GFRA1: variants seen among roughly 807,000 people sequenced by gnomAD.
The protein encoded by GFRA1 is GDNF family receptor alpha 1.
GFRA1 carries 16 observed loss-of-function variants against 51.6 expected under a neutral mutation model. That is an observed-to-expected ratio of 0.31 (90% CI 0.21 to 0.47). The LOEUF is 0.47. Among genes scored for constraint, GFRA1 ranks in the 20% least tolerant of loss-of-function variants. GFRA1 has a pLI of 1.00. For missense variants in GFRA1, 530 were observed against 594.3 expected, an observed-to-expected ratio of 0.89 and a Z score of 1.13; for synonymous variants, 270 against 241.3, an observed-to-expected ratio of 1.12 and a Z score of -1.10.
At chr10:116,166,175 C>T (rs1383674772) in intron 5 of GFRA1, among the ~76,000 whole-genome samples, 1 of 152,176 alleles carries the variant, frequency 6.6e-6, no homozygotes, top group African/African-American at 2.4e-5. Context: ...ATGTGTACAA[C>T]ATTTTCTTTA....
chr10:116,226,502 G>A (rs1227145887), intron 4 of GFRA1, among the ~76,000 whole-genome samples: 1 of 152,100 alleles, frequency 6.6e-6, no homozygotes, highest in Non-Finnish European at 1.5e-5. Context: ...CTTTAGCTCC[G>A]CATTTGTGAG....
At chr10:116,109,661 CG>C (rs965032108) in intron 6 of GFRA1, among the ~76,000 whole-genome samples, 2 of 152,106 alleles carry the variant, frequency 1.3e-5, no homozygotes, top group Non-Finnish European at 2.9e-5. Context: ...CCCGGGCCCA[CG>C]GGGAGAAACC....
chr10:116,153,083 G>T (rs1959124405), intron 5 of GFRA1, among the ~76,000 whole-genome samples: 2 of 152,084 alleles, frequency 1.3e-5, no homozygotes, highest in Non-Finnish European at 2.9e-5. Context: ...AAACTCCGAG[G>T]GGGCCTCCTT....
chr10:116,237,695 G>C (rs1415156490), intron 4 of GFRA1, among the ~76,000 whole-genome samples: 1 of 151,942 alleles, frequency 6.6e-6, no homozygotes, highest in Non-Finnish European at 1.5e-5. Context: ...TGTCAAAGCA[G>C]TAGAACAAAG....
At chr10:116,173,714 C>G (rs1961272727) in intron 5 of GFRA1, among the ~76,000 whole-genome samples, 1 of 152,172 alleles carries the variant, frequency 6.6e-6, no homozygotes, top group East Asian at 1.9e-4. Context: ...AATACCAACT[C>G]AAACTGGAGA....
At chr10:116,101,098 C>T (rs187981112) in intron 6 of GFRA1, among the ~76,000 whole-genome samples, 43 of 152,204 alleles carry the variant, frequency 2.8e-4, no homozygotes, top group African/African-American at 9.9e-4. Context: ...CAACTGCAGC[C>T]TGAGCACCTA....
At chr10:116,197,319 C>T (rs192206717) in intron 5 of GFRA1, among the ~76,000 whole-genome samples, 2 of 152,134 alleles carry the variant, frequency 1.3e-5, no homozygotes, top group East Asian at 1.9e-4. Context: ...GAAGGTGCCA[C>T]CTCTGAACCA....
chr10:116,114,288 A>C (rs2133978780), intron 6 of GFRA1, among the ~76,000 whole-genome samples: 1 of 152,356 alleles, frequency 6.6e-6, no homozygotes, highest in African/African-American at 2.4e-5. Context: ...TGTGCCCAGC[A>C]GTCTCAGAGC....
At chr10:116,249,962 T>C (rs1425226397) in intron 4 of GFRA1, among the ~76,000 whole-genome samples, 1 of 152,186 alleles carries the variant, frequency 6.6e-6, no homozygotes, top group African/African-American at 2.4e-5. Flanking sequence ...TTTAGCGAAG[T>C]GGTCTCCTTT....
intron 7 of GFRA1, among the ~76,000 whole-genome samples, chr10:116,094,448 T>A (rs1956490496): frequency 6.6e-6 from 1 of 152,146 alleles, no homozygotes. Flanking sequence ...GCCTGTGGAC[T>A]CTCAATGGTG....
intron 9 of GFRA1, among the ~76,000 whole-genome samples, chr10:116,070,515 T>C (rs1955331748): frequency 6.6e-6 from 1 of 152,228 alleles, no homozygotes; most frequent in Non-Finnish European, 1.5e-5. Context: ...GAAGAGTATG[T>C]ACCTAATTGA....
intron 6 of GFRA1, among the ~76,000 whole-genome samples, chr10:116,099,400 A>G (rs1404078190): frequency 2.6e-5 from 4 of 152,208 alleles, no homozygotes; most frequent in African/African-American, 9.7e-5. Context: ...CTGATAAAGC[A>G]TGCATCATGT....
chr10:116,143,519 A>C (rs1958663195), intron 5 of GFRA1, among the ~76,000 whole-genome samples: 1 of 152,158 alleles, frequency 6.6e-6, no homozygotes, highest in Admixed American at 6.5e-5. Flanking sequence ...GCCCAAGCCA[A>C]ATTTCTGAAA....
At chr10:116,145,944 T>C (rs1204728946) in intron 5 of GFRA1, among the ~76,000 whole-genome samples, 7 of 152,094 alleles carry the variant, frequency 4.6e-5, no homozygotes, top group Non-Finnish European at 1.5e-5. Flanking sequence ...ATGAGGCAAG[T>C]TGTAGAAGTA....
At chr10:116,068,861 A>G (rs1955239083) in intron 9 of GFRA1, among the ~76,000 whole-genome samples, 1 of 152,202 alleles carries the variant, frequency 6.6e-6, no homozygotes, top group Non-Finnish European at 1.5e-5. Context: ...AAGTACTTAC[A>G]CACTTTAAAT....
At chr10:116,210,602 C>G (rs1483006762) in intron 5 of GFRA1, among the ~76,000 whole-genome samples, 1 of 152,150 alleles carries the variant, frequency 6.6e-6, no homozygotes, top group African/African-American at 2.4e-5. Flanking sequence ...TCTTAAAAGA[C>G]AATACGACAG....
At chr10:116,217,910 TATTTGAAAAACCTCTGCGACTTGC>T (rs1398285771) in intron 4 of GFRA1, among the ~76,000 whole-genome samples, 12 of 152,342 alleles carry the variant, frequency 7.9e-5, no homozygotes, top group East Asian at 3.9e-4. Context: ...GATTGTCTAC[TATTTGAAAAACCTCTGCGACTTGC>T]ATAGGACTGT....
intron 9 of GFRA1, among the ~76,000 whole-genome samples, chr10:116,077,143 A>C (rs1050112710): frequency 6.6e-6 from 1 of 152,170 alleles, no homozygotes; most frequent in South Asian, 2.1e-4. Context: ...GAGAGAACCA[A>C]TTTATCGCCT....
At chr10:116,202,291 C>A (rs905481483) in intron 5 of GFRA1, among the ~76,000 whole-genome samples, 1 of 152,104 alleles carries the variant, frequency 6.6e-6, no homozygotes, top group Non-Finnish European at 1.5e-5. Context: ...TGACTTCCAG[C>A]AGAAAGGATT....
Sources: allele counts gnomAD v4.1 joint callset (sites outside exome capture counted in the v4.1 genomes callset), GRCh38; gene constraint gnomAD v4.1.1; transcripts MANE v1.5; gene names NCBI Gene and HGNC (gene_info 2026-07-23, HGNC 2026-07-21).